The following CHP1 variants were observed in gnomAD, a reference collection of about 807,000 sequenced individuals.
The protein encoded by CHP1 is calcineurin like EF-hand protein 1.
In CHP1, 11 loss-of-function variants were observed where a neutral mutation model predicts 27.4. The observed-to-expected ratio is 0.40, with a 90% CI of 0.25 to 0.67. The LOEUF (loss-of-function observed/expected upper bound fraction) is 0.67, where lower values mean the gene tolerates loss of function less well. Ranked by LOEUF, CHP1 falls within the 30% of genes least tolerant of loss-of-function variation. The pLI is 0.38. For synonymous variants in CHP1, 89 were observed against 87.4 expected (o/e 1.02, Z -0.10); for missense variants, 169 against 251.3 (o/e 0.67, Z 2.22).
At chr15:41,256,104 C>G (rs1360273337) in intron 2 of CHP1, among the ~76,000 whole-genome samples, 2 of 152,138 alleles carry the variant, frequency 1.3e-5, no homozygotes, top group Non-Finnish European at 2.9e-5. Flanking sequence ...AATCACAGTT[C>G]TGCTACTTAG....
At chr15:41,247,271 A>G (rs1158782161) in intron 2 of CHP1, among the ~76,000 whole-genome samples, 1 of 151,946 alleles carries the variant, frequency 6.6e-6, no homozygotes, top group Admixed American at 6.6e-5. Flanking sequence ...TGGGAGGTTG[A>G]GGCAGGAAAA....
At chr15:41,248,148 AT>A (rs879583449) in intron 2 of CHP1, among the ~76,000 whole-genome samples, 4,914 of 143,004 alleles carry the variant, frequency 0.034, 240 homozygotes, top group African/African-American at 0.11. Flanking sequence ...TGCTGGCAAT[AT>A]TTTTTTTTTT....
intron 1 of CHP1, among the ~76,000 whole-genome samples, chr15:41,243,400 T>G (rs2047317194): frequency 6.6e-6 from 1 of 152,220 alleles, no homozygotes; most frequent in South Asian, 2.1e-4. Context: ...TGCCTTTGTT[T>G]TGTTAAATCT....
chr15:41,276,962 A>C (rs2047522354), intron 5 of CHP1, among the ~76,000 whole-genome samples: 1 of 152,214 alleles, frequency 6.6e-6, no homozygotes, highest in Non-Finnish European at 1.5e-5. Flanking sequence ...GGGTGGCTGC[A>C]GTGCCACCAG....
chr15:41,238,487 T>C (rs1301137978), intron 1 of CHP1, among the ~76,000 whole-genome samples: 2 of 152,038 alleles, frequency 1.3e-5, no homozygotes, highest in Non-Finnish European at 1.5e-5. Flanking sequence ...AAATAATCTT[T>C]TAACAATTTA....
chr15:41,279,061 A>C (rs2047533418), intron 6 of CHP1, among the ~76,000 whole-genome samples, 172 bp downstream of exon 6: 1 of 152,104 alleles, frequency 6.6e-6, no homozygotes, highest in African/African-American at 2.4e-5. Context: ...AAATACAAAA[A>C]TTAGCCAGGC....
chr15:41,241,070 C>T (rs2047304727), intron 1 of CHP1, among the ~76,000 whole-genome samples: 1 of 152,180 alleles, frequency 6.6e-6, no homozygotes, highest in Non-Finnish European at 1.5e-5. Context: ...CCAGGATGGT[C>T]TCGATCTCTT....
At chr15:41,265,086 G>A (rs2140938254) in intron 4 of CHP1, among the ~76,000 whole-genome samples, 1 of 152,292 alleles carries the variant, frequency 6.6e-6, no homozygotes, top group Non-Finnish European at 1.5e-5. Flanking sequence ...TGTGGGCCAG[G>A]TGCGGTGGCT....
chr15:41,233,270 T>C (rs1190212509), intron 1 of CHP1, among the ~76,000 whole-genome samples: 2 of 152,100 alleles, frequency 1.3e-5, no homozygotes. Context: ...ATAAGCAGAA[T>C]CAAAGAGAAA....
Position 41,243,671 on chromosome 15 carries a change from C to A in CHP1, c.72C>A (p.Ser24=). 4 of 1,613,928 alleles carry A rather than the reference C, an allele frequency of 2.5e-6. No individual in the cohort carries two copies. The highest frequency in any genetic ancestry group is 3.4e-6 in the Non-Finnish European group (4 of 1,179,924). The change falls in exon 2 of 7, where the codon TCC becomes TCA. Residue 24 remains serine, a synonymous_variant. Transcript: ENST00000334660. ...GACTAATTTTGTGCTCTTTAGTTTC[C>A]CACAGTCAAATCACTCGCCTCTACA... is the stretch of plus-strand genomic sequence containing the variant. ...LEEIKKETGF[S]HSQITRLYSR...
chr15:41,253,364 C>CT (rs2047380418), intron 2 of CHP1, among the ~76,000 whole-genome samples: 3 of 152,004 alleles, frequency 2.0e-5, no homozygotes, highest in Non-Finnish European at 4.4e-5. Context: ...CTACATTCTA[C>CT]TATAAAGCAA....
At chr15:41,261,047 G>GCTGA (rs1459285665) in intron 3 of CHP1, among the ~76,000 whole-genome samples, 2 of 152,080 alleles carry the variant, frequency 1.3e-5, no homozygotes, top group Non-Finnish European at 2.9e-5. Context: ...ACCATGCCTG[G>GCTGA]CTGATTGATT....
chr15:41,245,174 C>T (rs2047328031), intron 2 of CHP1, among the ~76,000 whole-genome samples: 1 of 152,184 alleles, frequency 6.6e-6, no homozygotes, highest in South Asian at 2.1e-4. Flanking sequence ...TAACTGACTT[C>T]TTCTGGCTGG....
chr15:41,279,201 C>T, intron 6 of CHP1, 135 bp from the exon 7 acceptor site: 1 of 714,386 alleles, frequency 1.4e-6, no homozygotes, highest in East Asian at 2.7e-5. Flanking sequence ...CAGAGTGAGA[C>T]TCTGCCTCCA....
intron 1 of CHP1, among the ~76,000 whole-genome samples, chr15:41,233,383 A>T (rs1219376503): frequency 6.6e-6 from 1 of 152,202 alleles, no homozygotes; most frequent in African/African-American, 2.4e-5. Flanking sequence ...TCTGGTTTAT[A>T]TACATTTGAC....
chr15:41,254,978 A>G (rs1012776704), intron 2 of CHP1, among the ~76,000 whole-genome samples: 1 of 152,212 alleles, frequency 6.6e-6, no homozygotes, highest in Non-Finnish European at 1.5e-5. Flanking sequence ...GAACAATACA[A>G]GATAACTTTT....
At chr15:41,269,559 C>T (rs1286350976) in intron 4 of CHP1, among the ~76,000 whole-genome samples, 4 of 152,132 alleles carry the variant, frequency 2.6e-5, no homozygotes, top group Non-Finnish European at 4.4e-5. Context: ...CAGAAAGCCA[C>T]GTCTGCCATA....
intron 4 of CHP1, among the ~76,000 whole-genome samples, chr15:41,267,669 GAAA>G (rs922627185): frequency 9.2e-6 from 1 of 108,960 alleles, no homozygotes; most frequent in Non-Finnish European, 2.0e-5. Flanking sequence ...CTCCCAAAAA[GAAA>G]AAAAAAAAAG....
chr15:41,243,768 A>T lies in CHP1; in HGVS notation c.140+29A>T, dbSNP rs770432472. Reference sequence around the variant, plus strand: ...GGCAGTGTTTTTCTTTATTTTCCTCACAGAAACCAGAAACCCTCTGGCAGT... The same window carrying T: ...GGCAGTGTTTTTCTTTATTTTCCTCTCAGAAACCAGAAACCCTCTGGCAGT... On this transcript the variant is annotated intron_variant, in intron 2 of 6. Coordinates refer to ENST00000334660, the MANE Select transcript of CHP1 (RefSeq NM_007236.5). The T allele has an allele frequency of 1.7e-5, 28 of 1,602,088 alleles. No homozygotes were observed. The Admixed American group carries it at 3.7e-4, about 21-fold the overall frequency.
Sources: gnomAD v4.1 joint callset for allele counts (sites outside exome capture counted in the v4.1 genomes callset) on GRCh38, gnomAD v4.1.1 for gene constraint, MANE v1.5 for transcripts, NCBI Gene and HGNC (gene_info 2026-07-23, HGNC 2026-07-21) for gene names.